The following ITSN1 variants were observed in gnomAD, a reference collection of about 807,000 sequenced individuals.
The protein encoded by ITSN1 is intersectin-1.
A neutral mutation model predicts 239.8 loss-of-function variants in ITSN1; 58 were observed. That is an observed-to-expected ratio of 0.24 (90% CI 0.20 to 0.30). The LOEUF is 0.30. Ranked by LOEUF, ITSN1 falls within the 10% of genes least tolerant of loss-of-function variation. The pLI is 1.00. For missense variants in ITSN1, 1,558 were observed against 2,103.3 expected (o/e 0.74, Z 5.07); for synonymous variants, 780 against 770.8 (o/e 1.01, Z -0.20).
chr21:33,768,362 A>G (rs986366403), intron 11 of ITSN1, among the ~76,000 whole-genome samples: 1 of 151,772 alleles, frequency 6.6e-6, no homozygotes, highest in Non-Finnish European at 1.5e-5. Context: ...GCTCACTGCA[A>G]CCTCCGCCTC....
intron 1 of ITSN1, among the ~76,000 whole-genome samples, chr21:33,680,323 C>CTTTTCTT (rs1555866335): frequency 0.037 from 5,528 of 147,474 alleles, 366 homozygotes; most frequent in African/African-American, 0.13. Context: ...CTTTTTCTTT[C>CTTTTCTT]TTTTCTTTTT....
intron 1 of ITSN1, among the ~76,000 whole-genome samples, chr21:33,649,745 G>A (rs1370561961): frequency 6.6e-6 from 1 of 152,118 alleles, no homozygotes; most frequent in Non-Finnish European, 1.5e-5. Flanking sequence ...GGCCGGGCGT[G>A]GTGGCTCACA....
intron 1 of ITSN1, among the ~76,000 whole-genome samples, chr21:33,704,076 C>T (rs1424058525): frequency 3.3e-5 from 5 of 152,134 alleles, no homozygotes; most frequent in African/African-American, 9.7e-5. Flanking sequence ...CTGCTGAAGT[C>T]CCCTCATAGA....
At chr21:33,702,093 ATTTTTTTTTTTTTTTTTTTTTTT>A (rs1162454097) in intron 1 of ITSN1, among the ~76,000 whole-genome samples, 2 of 148,724 alleles carry the variant, frequency 1.3e-5, no homozygotes, top group African/African-American at 4.9e-5. Context: ...AAACAAAAAA[ATTTTTTTTTTTTTTTTTTTTTTT>A]TTTTTTTTTT....
intron 1 of ITSN1, among the ~76,000 whole-genome samples, chr21:33,644,482 G>A (rs2087744066): frequency 6.6e-6 from 1 of 152,016 alleles, no homozygotes; most frequent in Admixed American, 6.5e-5. Context: ...TTGCTACGGC[G>A]CATGGTACCG....
intron 1 of ITSN1, among the ~76,000 whole-genome samples, chr21:33,701,086 AC>A (rs1352824289): frequency 2.0e-5 from 3 of 151,932 alleles, no homozygotes; most frequent in African/African-American, 7.3e-5. Flanking sequence ...TGCTGGAGTC[AC>A]AACCAAAGCA....
At chr21:33,824,432 G>T (rs1055031686) in intron 25 of ITSN1, among the ~76,000 whole-genome samples, 2 of 151,514 alleles carry the variant, frequency 1.3e-5, no homozygotes, top group Non-Finnish European at 2.9e-5. Context: ...AAACCAACAA[G>T]AATTAACTCC....
chr21:33,829,190 T>C, intron 26 of ITSN1: 2 of 367,190 alleles, frequency 5.4e-6, no homozygotes, highest in South Asian at 4.3e-5. Flanking sequence ...CTAGAAAAGC[T>C]ATTGAGTCCT....
intron 8 of ITSN1, among the ~76,000 whole-genome samples, chr21:33,761,598 A>ATTTTT (rs2068331612): frequency 2.0e-5 from 3 of 152,200 alleles, no homozygotes; most frequent in African/African-American, 7.2e-5. Flanking sequence ...GTTTGTAAAT[A>ATTTTT]AAGCCCAATA....
intron 16 of ITSN1, among the ~76,000 whole-genome samples, chr21:33,792,962 C>T (rs1030243866): frequency 2.6e-5 from 4 of 151,822 alleles, no homozygotes; most frequent in African/African-American, 9.7e-5. Flanking sequence ...TCCTCCAGTA[C>T]CTTCCTCTTC....
chr21:33,701,774 AAC>A (rs1313830037), intron 1 of ITSN1, among the ~76,000 whole-genome samples: 2 of 151,332 alleles, frequency 1.3e-5, no homozygotes, highest in Non-Finnish European at 3.0e-5. Context: ...CAGCCTGAGT[AAC>A]AGAGCGAGAC....
At chr21:33,830,618 CTGCAGTATCTAGACTCAG>C (rs1410727069) in intron 27 of ITSN1, among the ~76,000 whole-genome samples, 2 of 152,074 alleles carry the variant, frequency 1.3e-5, no homozygotes, top group Non-Finnish European at 2.9e-5. Context: ...TGAGGACTGG[CTGCAGTATCTAGACTCAG>C]TGCAGTATCT....
chr21:33,698,745 TTA>T (rs2091897583), intron 1 of ITSN1, among the ~76,000 whole-genome samples: 2 of 152,218 alleles, frequency 1.3e-5, no homozygotes, highest in African/African-American at 4.8e-5. Flanking sequence ...CCTCTTGCCT[TTA>T]TGTGTAATCT....
Position 33,888,306 on chromosome 21 carries a change from G to T in ITSN1, c.*6G>T. The stretch of plus-strand genomic sequence containing the variant: ...AGTTGTTTGATGAGCCGTAGGCAGC[G>T]GGCTCAGGGTGTGCTCAGCAGGGTC... On this transcript the variant is annotated 3_prime_UTR_variant, in exon 40 of 40. Coordinates refer to ENST00000381318, the MANE Select transcript of ITSN1 (RefSeq NM_003024.3). 7 of 1,609,822 alleles carry T rather than the reference G, an allele frequency of 4.3e-6. No homozygotes were observed. The highest frequency in any genetic ancestry group is 5.9e-6 in the Non-Finnish European group (7 of 1,177,780).
chr21:33,723,701 C>T (rs945231215), intron 4 of ITSN1, among the ~76,000 whole-genome samples: 2 of 152,220 alleles, frequency 1.3e-5, no homozygotes, highest in African/African-American at 4.8e-5. Flanking sequence ...TTTGGAGATA[C>T]AGTTACCCTC....
chr21:33,844,956 G>A (rs545153437), intron 29 of ITSN1, among the ~76,000 whole-genome samples: 45 of 151,926 alleles, frequency 3.0e-4, no homozygotes, highest in African/African-American at 6.3e-4. Flanking sequence ...TCCTCTCCCC[G>A]CCTCCTGCTG....
chr21:33,654,410 T>G (rs990406407), intron 1 of ITSN1, among the ~76,000 whole-genome samples: 1 of 152,042 alleles, frequency 6.6e-6, no homozygotes, highest in Non-Finnish European at 1.5e-5. Context: ...CTCTAGACTC[T>G]TAGCAAGAGT....
At chr21:33,715,925 A>T (rs2065110657) in intron 1 of ITSN1, among the ~76,000 whole-genome samples, 2 of 152,170 alleles carry the variant, frequency 1.3e-5, no homozygotes, top group Non-Finnish European at 2.9e-5. Context: ...TCAATAAATA[A>T]ATAAAATAAT....
intron 1 of ITSN1, among the ~76,000 whole-genome samples, chr21:33,670,693 A>C (rs2090214473): frequency 6.6e-6 from 1 of 152,206 alleles, no homozygotes; most frequent in African/African-American, 2.4e-5. Context: ...TTTATTCTTA[A>C]GAAATGTATT....
Sources: allele counts gnomAD v4.1 joint callset (sites outside exome capture counted in the v4.1 genomes callset), GRCh38; gene constraint gnomAD v4.1.1; transcripts MANE v1.5; gene names NCBI Gene and HGNC (gene_info 2026-07-23, HGNC 2026-07-21).